The following AMDHD1 variants were observed in gnomAD, a reference collection of about 807,000 sequenced individuals.
AMDHD1 encodes the protein probable imidazolonepropionase.
Under a neutral mutation model 44.1 loss-of-function variants are expected in AMDHD1, and 45 were observed. The observed-to-expected ratio is 1.02, with a 90% CI of 0.80 to 1.31. The LOEUF is 1.31. AMDHD1 is among the 50% of genes most tolerant of loss of function. The pLI, the probability that AMDHD1 is intolerant of heterozygous loss-of-function variation, is 0.00. For missense variants in AMDHD1, 586 were observed against 552.1 expected, an observed-to-expected ratio of 1.06 and a Z score of -0.61; for synonymous variants, 206 against 205.0, an observed-to-expected ratio of 1.00 and a Z score of -0.04.
intron 2 of AMDHD1, among the ~76,000 whole-genome samples, chr12:95,954,573 TAAATAAAATAAAATA>T (rs71435789): frequency 6.8e-6 from 1 of 147,096 alleles, no homozygotes; most frequent in Admixed American, 6.7e-5. Flanking sequence ...TTCTCAAAAA[TAAATAAAATAAAATA>T]AAATAAAATA....
intron 1 of AMDHD1, among the ~76,000 whole-genome samples, chr12:95,946,059 C>G (rs892240278): frequency 1.1e-4 from 15 of 142,536 alleles, no homozygotes; most frequent in African/African-American, 1.8e-4. Context: ...CTCTCTTTCT[C>G]TCTGTGTGTG....
chr12:95,959,739 CA>C (rs372349249), intron 4 of AMDHD1, among the ~76,000 whole-genome samples: 8 of 147,070 alleles, frequency 5.4e-5, no homozygotes, highest in African/African-American at 2.0e-4. Context: ...GGTGGGTCAT[CA>C]GGGGGAGTAT....
chr12:95,966,609 TG>T, intron 8 of AMDHD1, 101 bp downstream of exon 8: 1 of 1,424,036 alleles, frequency 7.0e-7, no homozygotes, highest in Non-Finnish European at 9.7e-7. Context: ...AGACTCTGTC[TG>T]GACTCAGACA....
At chr12:95,962,295 A>G (rs971051105) in intron 5 of AMDHD1, 60 bp from the exon 6 acceptor site, 5 of 1,568,468 alleles carry the variant, frequency 3.2e-6, no homozygotes, top group Non-Finnish European at 3.5e-6. Flanking sequence ...ATTTAATGGA[A>G]CTTCATGGAT....
intron 8 of AMDHD1, among the ~76,000 whole-genome samples, chr12:95,967,322 G>C (rs1369735862): frequency 2.0e-5 from 3 of 152,200 alleles, no homozygotes; most frequent in Non-Finnish European, 4.4e-5. Flanking sequence ...TGAGATTTGG[G>C]TGGGCACATA....
chr12:95,968,129 C>G lies in AMDHD1; in HGVS notation c.*286C>G, dbSNP rs76045878. The G allele has an allele frequency of 0.014, 2,803 of 200,380 alleles. 29 individuals are homozygous for G. The highest frequency in any genetic ancestry group is 0.037 in the East Asian group (280 of 7,574). 12.4% of individuals were successfully genotyped at this position (200,380 alleles called of 1,614,324 possible). A position where few individuals can be genotyped will look rare whatever the true frequency, so the allele number is the denominator to read the frequency against. On this transcript the variant is annotated 3_prime_UTR_variant, in exon 9 of 9. Transcript: ENST00000266736. ...TGTAGATTAATATGGTGGGGTATCA[C>G]AAAAATGCCTTTGTGGGGAAAAGTA...
Position 95,967,124 on chromosome 12 carries a change from T to A in AMDHD1, c.1193+616T>A, listed in dbSNP as rs539285351. On this transcript the variant is annotated intron_variant, in intron 8 of 8. Coordinates refer to ENST00000266736, the MANE Select transcript of AMDHD1 (RefSeq NM_152435.3). The stretch of plus-strand genomic sequence containing the variant: ...ATGGCGGAAAGCAAAGGAGGAGCAA[T>A]GTCATGTCTTAAATGGCAGCAGTCA... 3.9e-5 allele frequency among the ~76,000 whole-genome samples: 6 copies of A among 152,254 alleles called. No homozygotes were observed. The East Asian group carries it at 1.2e-3, about 29-fold the overall frequency.
intron 3 of AMDHD1, among the ~76,000 whole-genome samples, chr12:95,955,929 C>A (rs547235482): frequency 6.6e-6 from 1 of 152,286 alleles, no homozygotes; most frequent in African/African-American, 2.4e-5. Flanking sequence ...CCTGGGGCCG[C>A]TTTAGTGGAG....
intron 1 of AMDHD1, among the ~76,000 whole-genome samples, chr12:95,944,327 TTTTATTTATTTATTTATTTATTTATTTA>T (rs34358106): frequency 4.9e-5 from 7 of 141,574 alleles, no homozygotes; most frequent in Non-Finnish European, 7.6e-5. Flanking sequence ...GTTGGTTTAA[TTTTATTTATTTATTTATTTATTTATTTA>T]TTTATTTATT....
At chr12:95,950,143 C>A (rs1017654723) in intron 1 of AMDHD1, among the ~76,000 whole-genome samples, 1 of 152,140 alleles carries the variant, frequency 6.6e-6, no homozygotes, top group Non-Finnish European at 1.5e-5. Context: ...CTAATCCTGC[C>A]GGTCCTTTCC....
In AMDHD1 at chr12:95,964,928, C is replaced by CAAAAAAAAAAAAAAAAAAAAAAAAA. The variant is rs60076877; in HGVS notation, c.939-735_939-734insAAAAAAAAAAAAAAAAAAAAAAAAA. Among the ~76,000 whole-genome samples, 4 of 35,830 alleles carry CAAAAAAAAAAAAAAAAAAAAAAAAA rather than the reference C, an allele frequency of 1.1e-4. 1 individual carries two copies. Among genetic ancestry groups the CAAAAAAAAAAAAAAAAAAAAAAAAA allele is most frequent in the African/African-American group, 2.7e-4 (2 of 7,358 alleles). The allele number at this position is 35,830 out of a possible 152,430, so 23.5% of individuals were successfully genotyped here. ...AAAGGACCTACAGAGATGTTTGAGG[C>CAAAAAAAAAAAAAAAAAAAAAAAAA]AAAAAAAAAAAAAAAAAAAAAAAGA... On this transcript the variant is annotated intron_variant, in intron 6 of 8. Transcript: ENST00000266736.
intron 1 of AMDHD1, among the ~76,000 whole-genome samples, chr12:95,945,295 A>G (rs1468368173): frequency 1.3e-5 from 2 of 152,202 alleles, no homozygotes; most frequent in African/African-American, 4.8e-5. Context: ...TTTTCATTTG[A>G]GTCTGCTACA....
chr12:95,967,187 A>T (rs1285749956), intron 8 of AMDHD1, among the ~76,000 whole-genome samples: 1 of 152,226 alleles, frequency 6.6e-6, no homozygotes, highest in African/African-American at 2.4e-5. Context: ...TCATAAAAAC[A>T]TCAAATCTTG....
chr12:95,945,081 C>T (rs960305827), intron 1 of AMDHD1, among the ~76,000 whole-genome samples: 21 of 152,184 alleles, frequency 1.4e-4, no homozygotes, highest in African/African-American at 5.1e-4. Context: ...TTGCAGTGAG[C>T]TGAGATCTCG....
chr12:95,960,999 A>C (rs2043606), intron 5 of AMDHD1, among the ~76,000 whole-genome samples: 81,105 of 151,606 alleles, frequency 0.53, 22,295 homozygotes, highest in African/African-American at 0.66. Flanking sequence ...AAAATATAAA[A>C]AATTAGCGTG....
In AMDHD1 at chr12:95,956,867, G is replaced by A. The variant is rs1183396598; in HGVS notation, c.492G>A (p.Glu164=). Residue 164 remains glutamate, a synonymous_variant, in exon 4 of 9, where the codon GAG becomes GAA. Coordinates refer to ENST00000266736, the MANE Select transcript of AMDHD1 (RefSeq NM_152435.3). ...ECKSGYGLDL[E]TELKMLRVIE... ...AGAGTGGATATGGCCTCGACCTGGAGACCGAGCTCAAGATGCTGCGCGTGA... is the reference window on the plus strand; with the variant it reads ...AGAGTGGATATGGCCTCGACCTGGAAACCGAGCTCAAGATGCTGCGCGTGA... The A allele has an allele frequency of 1.9e-6, 3 of 1,614,046 alleles. No individual in the cohort carries two copies. The Admixed American group carries it at 5.0e-5, about 27-fold the overall frequency.
At chr12:95,957,339 G>A (rs1382908602) in intron 4 of AMDHD1, among the ~76,000 whole-genome samples, 1 of 152,160 alleles carries the variant, frequency 6.6e-6, no homozygotes, top group African/African-American at 2.4e-5. Flanking sequence ...CAAACCTTGT[G>A]GTCTAGGTGA....
intron 1 of AMDHD1, among the ~76,000 whole-genome samples, chr12:95,944,884 A>C (rs897101380): frequency 1.3e-5 from 2 of 152,184 alleles, no homozygotes; most frequent in Admixed American, 1.3e-4. Context: ...CTGCAATCCC[A>C]GCACTTTGGG....
intron 1 of AMDHD1, among the ~76,000 whole-genome samples, chr12:95,950,937 T>C (rs4762649): frequency 0.1 from 15,416 of 152,180 alleles, 1,226 homozygotes; most frequent in East Asian, 0.42. Context: ...TATTTGACGT[T>C]TAAAGTTTTT....
Sources: gnomAD v4.1 joint callset for allele counts (sites outside exome capture counted in the v4.1 genomes callset) on GRCh38, gnomAD v4.1.1 for gene constraint, MANE v1.5 for transcripts, NCBI Gene and HGNC (gene_info 2026-07-23, HGNC 2026-07-21) for gene names.